SPOCK3: variants seen among roughly 807,000 people sequenced by gnomAD.
SPOCK3 encodes testican-3.
SPOCK3 carries 30 observed loss-of-function variants against 56.6 expected under a neutral mutation model. That is an observed-to-expected ratio of 0.53 (90% CI 0.40 to 0.72). The LOEUF (loss-of-function observed/expected upper bound fraction) is 0.72, where lower values mean the gene tolerates loss of function less well. SPOCK3 is among the 30% of genes least tolerant of loss of function. SPOCK3 has a pLI of 0.00. For synonymous variants in SPOCK3, 196 were observed against 183.3 expected (o/e 1.07, Z -0.56); for missense variants, 527 against 530.0 (o/e 0.99, Z 0.06).
At chr4:167,058,443 G>C (rs186461525) in intron 3 of SPOCK3, among the ~76,000 whole-genome samples, 260 of 152,184 alleles carry the variant, frequency 1.7e-3, no homozygotes, top group Middle Eastern at 3.4e-3. Flanking sequence ...CAACTTACAA[G>C]GGATGTGAAG....
chr4:166,750,003 A>G (rs28432321), intron 8 of SPOCK3, among the ~76,000 whole-genome samples: 1 of 152,104 alleles, frequency 6.6e-6, no homozygotes, highest in Admixed American at 6.6e-5. Flanking sequence ...TTGAGTCTAT[A>G]CCTGAAAATG....
chr4:167,166,360 C>G (rs1765759633), intron 2 of SPOCK3, among the ~76,000 whole-genome samples: 1 of 152,024 alleles, frequency 6.6e-6, no homozygotes, highest in South Asian at 2.1e-4. Context: ...TACCTCAAGG[C>G]TACATACATT....
chr4:166,933,748 TA>T (rs1437595140), intron 4 of SPOCK3, among the ~76,000 whole-genome samples: 6 of 152,148 alleles, frequency 3.9e-5, no homozygotes, highest in African/African-American at 1.4e-4. Context: ...TCCTTTATAA[TA>T]AATATAATGT....
At chr4:167,151,051 C>A (rs567266144) in intron 2 of SPOCK3, among the ~76,000 whole-genome samples, 1 of 152,254 alleles carries the variant, frequency 6.6e-6, no homozygotes, top group South Asian at 2.1e-4. Flanking sequence ...AAGCATGACA[C>A]ATGTTGATGT....
chr4:166,904,091 TTTA>T (rs968693104), intron 5 of SPOCK3, among the ~76,000 whole-genome samples: 15 of 151,816 alleles, frequency 9.9e-5, no homozygotes, highest in East Asian at 3.8e-4. Flanking sequence ...GCAAAATCAT[TTTA>T]TTATATTATT....
intron 4 of SPOCK3, among the ~76,000 whole-genome samples, chr4:166,989,478 T>C (rs1265276503): frequency 6.6e-6 from 1 of 152,144 alleles, no homozygotes; most frequent in Non-Finnish European, 1.5e-5. Flanking sequence ...TATGATCATC[T>C]GGAAATTCCA....
At chr4:167,120,001 T>A in intron 2 of SPOCK3, 2 of 588,558 alleles carry the variant, frequency 3.4e-6, no homozygotes, top group South Asian at 2.6e-5. Flanking sequence ...ATATTTTATG[T>A]TAAAGCAGTG....
chr4:166,914,337 T>C (rs1197496349), intron 4 of SPOCK3, among the ~76,000 whole-genome samples: 1 of 152,168 alleles, frequency 6.6e-6, no homozygotes, highest in Non-Finnish European at 1.5e-5. Context: ...ACACATATAA[T>C]TTAAAAAACC....
At chr4:167,187,932 A>G (rs140278824) in intron 2 of SPOCK3, among the ~76,000 whole-genome samples, 1 of 152,290 alleles carries the variant, frequency 6.6e-6, no homozygotes, top group East Asian at 1.9e-4. Flanking sequence ...AAGGGGAAGA[A>G]AAAAGACTGC....
rs1454299767 is a variant in SPOCK3, at chr4:166,761,921, A to G, written c.710-7192T>C. On this transcript the variant is annotated intron_variant, in intron 7 of 10. Transcript: ENST00000357545. ...AAAAAAAAAAAAAAAAAAAAAAAAA[A>G]AGAGATTTGGGGGCTTGAAAAATTT... Among the ~76,000 whole-genome samples the G allele has an allele frequency of 4.6e-5, 7 of 150,862 alleles. 1 individual carries two copies. Among genetic ancestry groups the G allele is most frequent in the East Asian group, 3.9e-4 (2 of 5,114 alleles).
intron 2 of SPOCK3, among the ~76,000 whole-genome samples, chr4:167,199,706 T>C (rs1733329510): frequency 1.1e-5 from 1 of 94,038 alleles, no homozygotes; most frequent in African/African-American, 3.8e-5. Flanking sequence ...ATAATAATAA[T>C]AATAATAATA....
chr4:167,153,399 A>G (rs536514203), intron 2 of SPOCK3, among the ~76,000 whole-genome samples: 17 of 152,340 alleles, frequency 1.1e-4, no homozygotes, highest in Admixed American at 1.1e-3. Flanking sequence ...GTTAGATTAT[A>G]TAAATCAAAG....
chr4:167,000,368 G>A lies in SPOCK3; in HGVS notation c.331C>T (p.His111Tyr), dbSNP rs1470381645. The change falls in exon 4 of 11, where the codon CAC (histidine) becomes TAC (tyrosine). Residue 111 changes from histidine (H) to tyrosine (Y), a missense_variant. Transcript: ENST00000357545. ...GTTTACCTGTGTGTAAGCCTCCGGTGACTAATGCAGACTGCAGTCTGAGAA... is the reference window on the plus strand; with the variant it reads ...GTTTACCTGTGTGTAAGCCTCCGGTAACTAATGCAGACTGCAGTCTGAGAA... ...QDSQTAVCIS[H>Y]RRLTHRMKEA... 6.3e-7 allele frequency: 1 copy of A among 1,582,144 alleles called. No homozygotes were observed. The highest frequency in any genetic ancestry group is 8.6e-7 in the Non-Finnish European group (1 of 1,158,358).
chr4:167,212,404 G>C (rs1016639465), intron 2 of SPOCK3, among the ~76,000 whole-genome samples: 1 of 151,710 alleles, frequency 6.6e-6, no homozygotes, highest in Non-Finnish European at 1.5e-5. Flanking sequence ...ACCATGCCTG[G>C]CTACTTTTTG....
Position 166,754,521 on chromosome 4 carries a change from G to A in SPOCK3, c.918C>T (p.Phe306=), listed in dbSNP as rs1295936429. The A allele has an allele frequency of 4.3e-6, 7 of 1,612,170 alleles. No individual in the cohort carries two copies. In the South Asian group the frequency reaches 7.7e-5, roughly 18 times the overall value. The part of the protein sequence containing the change: ...LISNNEWCYC[F]QRQQDPPCQT... ...CTCATCTTTTACCTTGCTGTCTCTG[G>A]AAGCAGTAGCACCACTCATTATTAG... is the stretch of plus-strand genomic sequence containing the variant. Residue 306 remains phenylalanine, a synonymous_variant, in exon 8 of 11, where the codon TTC becomes TTT. Transcript: ENST00000357545.
At chr4:167,029,809 A>C (rs1752085923) in intron 3 of SPOCK3, among the ~76,000 whole-genome samples, 1 of 152,064 alleles carries the variant, frequency 6.6e-6, no homozygotes, top group African/African-American at 2.4e-5. Context: ...TTCAATATGG[A>C]AATTATCAAT....
At chr4:166,907,206 G>A (rs1736722269) in intron 5 of SPOCK3, among the ~76,000 whole-genome samples, 2 of 152,034 alleles carry the variant, frequency 1.3e-5, no homozygotes, top group Non-Finnish European at 2.9e-5. Flanking sequence ...CTAACTCATT[G>A]CATTATATCT....
chr4:167,169,023 T>A (rs1264359673), intron 2 of SPOCK3, among the ~76,000 whole-genome samples: 2 of 152,188 alleles, frequency 1.3e-5, no homozygotes, highest in Admixed American at 1.3e-4. Context: ...AGCCTGCAGA[T>A]GCACAGAGGT....
chr4:166,776,211 G>T (rs891007560), intron 7 of SPOCK3, among the ~76,000 whole-genome samples: 1 of 151,988 alleles, frequency 6.6e-6, no homozygotes, highest in Non-Finnish European at 1.5e-5. Context: ...TCAGGAGATC[G>T]AGACTATCCT....
Sources: gnomAD v4.1 joint callset for allele counts (sites outside exome capture counted in the v4.1 genomes callset) on GRCh38, gnomAD v4.1.1 for gene constraint, MANE v1.5 for transcripts, NCBI Gene and HGNC (gene_info 2026-07-23, HGNC 2026-07-21) for gene names.